MRPL43: variants seen among roughly 807,000 people sequenced by gnomAD.
MRPL43 encodes the protein mitochondrial ribosomal protein L43.
A neutral mutation model predicts 12.7 loss-of-function variants in MRPL43; 9 were observed. The ratio of observed to expected loss-of-function variants is 0.71; its 90% CI spans 0.43 to 1.24. The LOEUF (loss-of-function observed/expected upper bound fraction) is 1.24, where lower values mean the gene tolerates loss of function less well. Ranked by LOEUF, MRPL43 falls within the 50% of genes most tolerant of loss-of-function variation. MRPL43 has a pLI of 0.00. For synonymous variants in MRPL43, 116 were observed against 96.4 expected (o/e 1.20, Z -1.19); for missense variants, 211 against 229.2 (o/e 0.92, Z 0.51).
downstream of MRPL43, chr10:100,984,295 C>T: frequency 1.4e-6 from 2 of 1,439,272 alleles, no homozygotes; most frequent in Admixed American, 2.8e-5. Flanking sequence ...CCAGCCAAAG[C>T]CCCCTCCTCA....
chr10:100,981,690 T>C, downstream of MRPL43: 1 of 992,388 alleles, frequency 1.0e-6, no homozygotes, highest in Non-Finnish European at 1.5e-6. Flanking sequence ...ATTATCCCCA[T>C]GAGGGACCTC....
At chr10:100,983,341 G>C (rs753257306), downstream of MRPL43, 11 of 1,589,834 alleles carry the variant, frequency 6.9e-6, no homozygotes, top group Non-Finnish European at 9.4e-6. Flanking sequence ...TCTGTGCTCC[G>C]GGGTGATGAT....
downstream of MRPL43, chr10:100,980,091 C>T (rs528390161): frequency 2.6e-5 from 42 of 1,612,526 alleles, no homozygotes; most frequent in East Asian, 1.6e-4. Context: ...GGTGGAGTCC[C>T]GAGGTTCACC....
rs1851477470 is a variant in MRPL43, at chr10:100,986,485, C to G, written c.*249G>C. 11 of 1,549,000 alleles carry G rather than the reference C, an allele frequency of 7.1e-6. No homozygotes were observed. In the South Asian group the frequency reaches 1.1e-4, roughly 15 times the overall value. ...TTAAAAAACAAGGGCCCTGTAAAAC[C>G]CTTGAAGTCTTCCTCATCTCAGGTT... On this transcript the variant is annotated 3_prime_UTR_variant, in exon 3 of 3. Transcript: ENST00000318364.
At chr10:100,980,964 C>A, downstream of MRPL43, 1 of 1,604,496 alleles carries the variant, frequency 6.2e-7, no homozygotes, top group Non-Finnish European at 8.5e-7. Context: ...TGCGCAGCAG[C>A]CACCACCATA....
downstream of MRPL43, chr10:100,980,195 T>TA: frequency 6.2e-7 from 1 of 1,614,234 alleles, no homozygotes; most frequent in Non-Finnish European, 8.5e-7. Flanking sequence ...CTGGACTTTG[T>TA]AAAGTTGCAC....
In MRPL43 at chr10:100,987,162, G is replaced by A; in HGVS notation, c.166C>T (p.Arg56Ter). 1.2e-6 allele frequency: 2 copies of A among 1,613,834 alleles called. No homozygotes were observed. Among genetic ancestry groups the A allele is most frequent in the Non-Finnish European group, 1.7e-6 (2 of 1,180,032 alleles). The part of the protein sequence containing the change: ...FVEREVIDFA[R>*]RNPGVVIYVN... ...TATATTACGACCCCTGGATTCCGTC[G>A]GGCGAAGTCGATCACCTCCCGCTCC... Residue 56 changes from arginine to a stop codon, truncating the protein, a stop_gained, in exon 2 of 3, where the codon CGA becomes TGA. Coordinates refer to ENST00000318364, the MANE Select transcript of MRPL43 (RefSeq NM_032112.3). LOFTEE classifies it high-confidence loss of function.
rs181211282 is a variant in MRPL43, at chr10:100,987,072, G to C, written c.238+18C>G. On this transcript the variant is annotated intron_variant, in intron 2 of 2. Coordinates refer to ENST00000318364, the MANE Select transcript of MRPL43 (RefSeq NM_032112.3). ...AGCCCCTGATCCCGCCCTCCAGCCC[G>C]AGCCCGGCCCCACTCACGGTATTCG... The C allele has an allele frequency of 4.3e-6, 7 of 1,612,144 alleles. No homozygotes were observed. In the East Asian group the frequency reaches 1.3e-4, roughly 31 times the overall value.
downstream of MRPL43, chr10:100,983,531 C>A: frequency 6.2e-7 from 1 of 1,614,162 alleles, no homozygotes; most frequent in Non-Finnish European, 8.5e-7. Context: ...AAAATGGCCT[C>A]CGCACCCTGC....
chr10:100,978,262 G>C (rs529001904), downstream of MRPL43: 3 of 1,561,314 alleles, frequency 1.9e-6, no homozygotes, highest in African/African-American at 2.7e-5. Context: ...GCCTGTCTTC[G>C]GAACCACTTA....
At chr10:100,983,594 A>T, downstream of MRPL43, 1 of 1,614,044 alleles carries the variant, frequency 6.2e-7, no homozygotes, top group Non-Finnish European at 8.5e-7. Flanking sequence ...CAGCTCCAAA[A>T]GCCCCTGCCA....
chr10:100,987,123 G>T lies in MRPL43; in HGVS notation c.205C>A (p.Pro69Thr). The T allele has an allele frequency of 6.2e-7, 1 of 1,613,832 alleles. No individual in the cohort carries two copies. The highest frequency in any genetic ancestry group is 8.5e-7 in the Non-Finnish European group (1 of 1,180,018). Residue 69 changes from proline to threonine, a missense_variant, in exon 2 of 3, where the codon CCG becomes ACG. Physicochemically the swap from Pro to Thr is conservative, Grantham distance 38 (BLOSUM62 -1). Transcript: ENST00000318364. ...PGVVIYVNSR[P>T]CCVPRVVAEY... Reference sequence around the variant, plus strand: ...GCCACTACTCTGGGCACGCAGCACGGACGCGAGTTTACATATATTACGACC... The same window carrying T: ...GCCACTACTCTGGGCACGCAGCACGTACGCGAGTTTACATATATTACGACC...
rs1182446787 is a variant in MRPL43 at position 100,987,336 on chromosome 10, G to A, written c.108C>T (p.Asp36=). 4.3e-6 allele frequency: 7 copies of A among 1,612,270 alleles called. No homozygotes were observed. In the African/African-American group the frequency reaches 6.7e-5, roughly 15 times the overall value. ...ACCTGGCGCCGCGAGACGAGGCGCC[G>A]TCGCGGCTGACGCTGAAGCTCAGAC... ...LQRLSFSVSR[D]GASSRGAREF... The change falls in exon 1 of 3, where the codon GAC becomes GAT. Residue 36 remains aspartate (D), a synonymous_variant. Coordinates refer to ENST00000318364, the MANE Select transcript of MRPL43 (RefSeq NM_032112.3).
chr10:100,987,179 T>C lies in MRPL43; in HGVS notation c.149A>G (p.Glu50Gly). ...SRGAREFVER[E>G]VIDFARRNPG... is the part of the protein sequence containing the mutation. ...ATTCCGTCGGGCGAAGTCGATCACC[T>C]CCCGCTCCACGAACTCCCTAAGCGA... The change falls in exon 2 of 3, where the codon GAG becomes GGG. Residue 50 changes from glutamate to glycine, a missense_variant. Coordinates refer to ENST00000318364, the MANE Select transcript of MRPL43 (RefSeq NM_032112.3). The C allele has an allele frequency of 6.2e-7, 1 of 1,613,744 alleles. No individual in the cohort carries two copies. The highest frequency in any genetic ancestry group is 1.7e-5 in the Admixed American group (1 of 60,020).
downstream of MRPL43, chr10:100,979,999 G>A: frequency 1.2e-6 from 2 of 1,613,960 alleles, no homozygotes; most frequent in Non-Finnish European, 8.5e-7. Flanking sequence ...CTCGGTGAGT[G>A]CCCAGGCCTG....
At chr10:100,978,757 C>T (rs1158261245), downstream of MRPL43, 3 of 1,565,070 alleles carry the variant, frequency 1.9e-6, no homozygotes, top group Admixed American at 3.4e-5. Flanking sequence ...CCATTCCATT[C>T]CTGTGTGTTG....
chr10:100,987,221 G>A, intron 1 of MRPL43, 25 bp from the exon 2 acceptor site: 3 of 1,613,574 alleles, frequency 1.9e-6, no homozygotes, highest in East Asian at 2.2e-5. Flanking sequence ...ACAGTGAGCA[G>A]TATGACCCCT....
downstream of MRPL43, chr10:100,981,660 A>G: frequency 2.3e-6 from 3 of 1,285,340 alleles, no homozygotes; most frequent in Non-Finnish European, 3.3e-6. Context: ...CAGCATTCTT[A>G]TGAGAAAGGT....
chr10:100,980,867 C>T, downstream of MRPL43: 1 of 1,608,132 alleles, frequency 6.2e-7, no homozygotes, highest in South Asian at 1.1e-5. Context: ...CCAGCTACCA[C>T]TCTCCAGCTG....
Sources: allele counts gnomAD v4.1 joint callset, GRCh38; gene constraint gnomAD v4.1.1; transcripts MANE v1.5; gene names NCBI Gene and HGNC (gene_info 2026-07-23, HGNC 2026-07-21).